Variants in CACNA2D1 observed in about 807,000 individuals in gnomAD.
CACNA2D1 encodes voltage-dependent calcium channel subunit alpha-2/delta-1.
A neutral mutation model predicts 171.5 loss-of-function variants in CACNA2D1; 53 were observed. The ratio of observed to expected loss-of-function variants is 0.31; its 90% confidence interval spans 0.25 to 0.39. The LOEUF (loss-of-function observed/expected upper bound fraction) is 0.39. CACNA2D1 is among the 10% of genes least tolerant of loss of function. The pLI, the probability that CACNA2D1 is intolerant of heterozygous loss-of-function variation, is 1.00. For synonymous variants in CACNA2D1, 442 were observed against 443.1 expected, an observed-to-expected ratio of 1.00 and a Z score of 0.03; for missense variants, 903 against 1,299.8, an observed-to-expected ratio of 0.69 and a Z score of 4.69.
intron 3 of CACNA2D1, among the ~76,000 whole-genome samples, chr7:82,232,426 A>G (rs193205555): frequency 1.3e-5 from 2 of 152,298 alleles, no homozygotes; most frequent in East Asian, 3.9e-4. Flanking sequence ...TAAGATTTCC[A>G]TAGAGAAAAA....
chr7:82,229,710 T>C (rs1802715323), intron 3 of CACNA2D1, among the ~76,000 whole-genome samples: 1 of 151,810 alleles, frequency 6.6e-6, no homozygotes, highest in Admixed American at 6.6e-5. Context: ...TATTTTATTT[T>C]AATATTGACA....
At chr7:81,972,623 G>A (rs1456772878) in intron 25 of CACNA2D1, among the ~76,000 whole-genome samples, 1 of 151,818 alleles carries the variant, frequency 6.6e-6, no homozygotes, top group Non-Finnish European at 1.5e-5. Flanking sequence ...AACAGGTGAT[G>A]AGGATCAAAG....
At chr7:82,308,722 T>C (rs890744333) in intron 3 of CACNA2D1, among the ~76,000 whole-genome samples, 1 of 152,212 alleles carries the variant, frequency 6.6e-6, no homozygotes, top group East Asian at 1.9e-4. Context: ...TAACAAACTT[T>C]TGTTTAAGGT....
chr7:82,332,308 G>A (rs1817402673), intron 3 of CACNA2D1, among the ~76,000 whole-genome samples: 2 of 151,826 alleles, frequency 1.3e-5, no homozygotes, highest in Admixed American at 6.6e-5. Context: ...CTCCCACCTC[G>A]GCCTCCCAAA....
chr7:82,213,744 G>A (rs1214702149), intron 3 of CACNA2D1, among the ~76,000 whole-genome samples: 3 of 152,000 alleles, frequency 2.0e-5, no homozygotes, highest in South Asian at 2.1e-4. Context: ...GACTTGTCAC[G>A]CTGAAATTCT....
intron 22 of CACNA2D1, among the ~76,000 whole-genome samples, chr7:81,983,727 ATATC>A (rs779860339): frequency 3.3e-5 from 5 of 152,316 alleles, no homozygotes; most frequent in South Asian, 2.1e-4. Flanking sequence ...AAAGACCATC[ATATC>A]TATCTATCAA....
At chr7:82,243,475 T>G (rs1380399424) in intron 3 of CACNA2D1, among the ~76,000 whole-genome samples, 1 of 152,230 alleles carries the variant, frequency 6.6e-6, no homozygotes, top group Non-Finnish European at 1.5e-5. Context: ...CCCGAGTAAC[T>G]ATCCAAATAT....
At chr7:82,377,120 T>A (rs549294397) in intron 1 of CACNA2D1, among the ~76,000 whole-genome samples, 1 of 152,162 alleles carries the variant, frequency 6.6e-6, no homozygotes, top group Non-Finnish European at 1.5e-5. Context: ...GTCAGGAAAA[T>A]CTGGATGAAT....
At chr7:82,194,494 G>A (rs1224793187) in intron 3 of CACNA2D1, among the ~76,000 whole-genome samples, 1 of 151,776 alleles carries the variant, frequency 6.6e-6, no homozygotes, top group African/African-American at 2.4e-5. Flanking sequence ...TTACATAGTG[G>A]ATCTCACATC....
intron 38 of CACNA2D1, among the ~76,000 whole-genome samples, chr7:81,951,970 T>TTTTTTTTTGTTGTTGTTG (rs1554321663): frequency 8.3e-5 from 2 of 23,960 alleles, no homozygotes; most frequent in African/African-American, 3.4e-4. Context: ...GTACAAAGTG[T>TTTTTTTTTGTTGTTGTTG]TTTTTTTTTT....
intron 10 of CACNA2D1, among the ~76,000 whole-genome samples, chr7:82,055,494 CAA>C (rs1805719638): frequency 6.6e-6 from 1 of 151,792 alleles, no homozygotes; most frequent in African/African-American, 2.4e-5. Flanking sequence ...CTCACAATAG[CAA>C]AGACTTGGAA....
chr7:81,990,164 A>C (rs996488680), intron 21 of CACNA2D1, among the ~76,000 whole-genome samples: 1 of 152,140 alleles, frequency 6.6e-6, no homozygotes, highest in Admixed American at 6.5e-5. Flanking sequence ...TGCTACTTAA[A>C]GTGTTTTCCA....
At chr7:82,026,303 A>C (rs939157777) in intron 12 of CACNA2D1, among the ~76,000 whole-genome samples, 1 of 151,426 alleles carries the variant, frequency 6.6e-6, no homozygotes, top group Non-Finnish European at 1.5e-5. Flanking sequence ...GATAAGACAA[A>C]ATTTATTAAT....
chr7:82,233,574 T>C (rs1803198786), intron 3 of CACNA2D1, among the ~76,000 whole-genome samples: 2 of 152,212 alleles, frequency 1.3e-5, no homozygotes, highest in Admixed American at 6.5e-5. Context: ...GTTTATCCCA[T>C]GAGATCAAGT....
chr7:81,981,941 T>C (rs2130628372), intron 24 of CACNA2D1, among the ~76,000 whole-genome samples: 1 of 152,324 alleles, frequency 6.6e-6, no homozygotes, highest in East Asian at 1.9e-4. Context: ...ATTCTACCCC[T>C]ACGTGTATAG....
chr7:81,990,889 C>T (rs969571187), intron 21 of CACNA2D1, among the ~76,000 whole-genome samples: 1 of 152,068 alleles, frequency 6.6e-6, no homozygotes, highest in African/African-American at 2.4e-5. Flanking sequence ...AACTAAACAA[C>T]AACTAAAAGA....
chr7:82,148,796 C>T (rs1167151633), intron 4 of CACNA2D1, among the ~76,000 whole-genome samples: 9 of 152,012 alleles, frequency 5.9e-5, no homozygotes, highest in Admixed American at 3.9e-4. Context: ...TGCTACCATG[C>T]CCAGCGAATT....
rs904003137 is a variant in CACNA2D1, at chr7:81,948,306, C to G, written c.*2086G>C. The G allele has an allele frequency of 6.6e-6, 1 of 151,448 alleles. No homozygotes were observed. Among genetic ancestry groups the G allele is most frequent in the Non-Finnish European group, 1.5e-5 (1 of 67,718 alleles). The allele number at this position is 151,448 out of a possible 1,614,324, so 9.4% of individuals were successfully genotyped here. On this transcript the variant is annotated 3_prime_UTR_variant, in exon 39 of 39. Transcript: ENST00000356860. ...TTACTAGAGTGAGAAGTTTTTTTCCCCACATATATTTTAAATCACTTTGGT... is the reference window on the plus strand; with the variant it reads ...TTACTAGAGTGAGAAGTTTTTTTCCGCACATATATTTTAAATCACTTTGGT...
At chr7:82,078,852 C>G (rs1260480397) in intron 7 of CACNA2D1, among the ~76,000 whole-genome samples, 4 of 151,904 alleles carry the variant, frequency 2.6e-5, no homozygotes, top group African/African-American at 7.3e-5. Flanking sequence ...CATAGTCTAC[C>G]TGCCTTCCAA....
Sources: allele counts gnomAD v4.1 joint callset (sites outside exome capture counted in the v4.1 genomes callset), GRCh38; gene constraint gnomAD v4.1.1; transcripts MANE v1.5; gene names NCBI Gene and HGNC (gene_info 2026-07-23, HGNC 2026-07-21).